The following NRG3 variants were observed in gnomAD, a reference collection of about 807,000 sequenced individuals.
NRG3 encodes the protein pro-neuregulin-3, membrane-bound isoform.
In NRG3, 31 loss-of-function variants were observed where a neutral mutation model predicts 66.9. The observed-to-expected ratio is 0.46, with a 90% confidence interval of 0.35 to 0.63. The LOEUF (loss-of-function observed/expected upper bound fraction) is 0.63, where lower values mean the gene tolerates loss of function less well. Ranked by LOEUF, NRG3 falls within the 20% of genes least tolerant of loss-of-function variation. The probability of loss-of-function intolerance (pLI) is 0.00; values close to 1 mark genes in which losing one functional copy is unlikely to be tolerated. For synonymous variants in NRG3, 393 were observed against 359.4 expected (o/e 1.09, Z -1.06); for missense variants, 910 against 878.9 (o/e 1.04, Z -0.45).
At chr10:82,666,959 T>C (rs1231644916) in intron 2 of NRG3, among the ~76,000 whole-genome samples, 1 of 152,216 alleles carries the variant, frequency 6.6e-6, no homozygotes, top group East Asian at 1.9e-4. Flanking sequence ...CTAGAAACTT[T>C]AATGCAACAG....
intron 1 of NRG3, among the ~76,000 whole-genome samples, chr10:82,193,602 A>G (rs1451349277): frequency 6.6e-6 from 1 of 152,204 alleles, no homozygotes; most frequent in Admixed American, 6.5e-5. Flanking sequence ...GATGAAAAGA[A>G]GTGGAGTGAT....
At chr10:82,240,776 C>A (rs1417434130) in intron 1 of NRG3, among the ~76,000 whole-genome samples, 1 of 152,138 alleles carries the variant, frequency 6.6e-6, no homozygotes, top group Non-Finnish European at 1.5e-5. Context: ...TTAGAGAGGA[C>A]TTCTGTCAGT....
chr10:81,961,369 T>C (rs894562618), intron 1 of NRG3, among the ~76,000 whole-genome samples: 1 of 152,214 alleles, frequency 6.6e-6, no homozygotes, highest in Non-Finnish European at 1.5e-5. Context: ...CAGTATCACA[T>C]TGTAGACACC....
At chr10:82,701,076 AT>A in intron 2 of NRG3, among the ~76,000 whole-genome samples, 1 of 152,084 alleles carries the variant, frequency 6.6e-6, no homozygotes, top group East Asian at 1.9e-4. Context: ...AGATGAAGAT[AT>A]TTTATAAAGT....
intron 2 of NRG3, among the ~76,000 whole-genome samples, chr10:82,655,546 C>T (rs1420556161): frequency 1.3e-5 from 2 of 152,110 alleles, no homozygotes; most frequent in Non-Finnish European, 2.9e-5. Context: ...TACAGATACC[C>T]TCCTCTACTC....
intron 1 of NRG3, among the ~76,000 whole-genome samples, chr10:82,272,885 G>A (rs1329225566): frequency 2.6e-5 from 4 of 151,942 alleles, no homozygotes; most frequent in South Asian, 2.1e-4. Flanking sequence ...TAGAAGGCTC[G>A]CTATGGCCTT....
intron 1 of NRG3, among the ~76,000 whole-genome samples, chr10:82,219,271 A>G (rs549483493): frequency 6.8e-6 from 1 of 146,600 alleles, no homozygotes; most frequent in African/African-American, 2.6e-5. Flanking sequence ...GCCTCTACAT[A>G]CTAGATGCTG....
At chr10:82,805,207 T>A (rs76312059) in intron 3 of NRG3, among the ~76,000 whole-genome samples, 1 of 152,330 alleles carries the variant, frequency 6.6e-6, no homozygotes, top group East Asian at 1.9e-4. Context: ...GGTTAGAGTC[T>A]TGGGTCCTTG....
chr10:82,344,379 C>A (rs1207258426), intron 1 of NRG3, among the ~76,000 whole-genome samples: 1 of 151,146 alleles, frequency 6.6e-6, no homozygotes. Flanking sequence ...CATGTCCCTA[C>A]AAAGGACATG....
chr10:82,092,201 A>G (rs2066067557), intron 1 of NRG3, among the ~76,000 whole-genome samples: 1 of 152,134 alleles, frequency 6.6e-6, no homozygotes, highest in Non-Finnish European at 1.5e-5. Context: ...CTCAGGGTCA[A>G]CAAGTATCTT....
chr10:82,957,072 G>A (rs1850119870), intron 5 of NRG3, among the ~76,000 whole-genome samples: 1 of 151,992 alleles, frequency 6.6e-6, no homozygotes. Flanking sequence ...TGCAACTAGT[G>A]TAATCTTTTA....
intron 2 of NRG3, among the ~76,000 whole-genome samples, chr10:82,473,090 CAG>C (rs1841429035): frequency 6.6e-6 from 1 of 152,176 alleles, no homozygotes; most frequent in Admixed American, 6.5e-5. Flanking sequence ...TGAACACACC[CAG>C]TTGTTGACAC....
intron 4 of NRG3, among the ~76,000 whole-genome samples, chr10:82,888,699 T>TA (rs1842914368): frequency 6.6e-6 from 1 of 152,016 alleles, no homozygotes; most frequent in African/African-American, 2.4e-5. Context: ...AGACTAAATA[T>TA]AAACAAGACA....
At chr10:81,951,623 A>G (rs1293260655) in intron 1 of NRG3, among the ~76,000 whole-genome samples, 1 of 152,180 alleles carries the variant, frequency 6.6e-6, no homozygotes, top group Admixed American at 6.5e-5. Context: ...GGGTCCAAGC[A>G]TGAAATGGCT....
chr10:82,089,723 A>G (rs1268224505), intron 1 of NRG3, among the ~76,000 whole-genome samples: 2 of 152,172 alleles, frequency 1.3e-5, no homozygotes, highest in African/African-American at 4.8e-5. Context: ...CTGATTCCAT[A>G]CCTTATTGAT....
At chr10:82,416,184 C>A (rs968499265) in intron 2 of NRG3, among the ~76,000 whole-genome samples, 1 of 152,172 alleles carries the variant, frequency 6.6e-6, no homozygotes, top group Non-Finnish European at 1.5e-5. Flanking sequence ...ACATACCTTT[C>A]AAGACAAAGT....
chr10:82,169,341 T>C (rs577506964), intron 1 of NRG3, among the ~76,000 whole-genome samples: 5 of 152,092 alleles, frequency 3.3e-5, no homozygotes, highest in East Asian at 1.9e-4. Flanking sequence ...TCATTTTTTT[T>C]CCCACTTTTT....
chr10:81,895,511 C>G (rs1843434895), intron 1 of NRG3, among the ~76,000 whole-genome samples: 1 of 152,156 alleles, frequency 6.6e-6, no homozygotes, highest in African/African-American at 2.4e-5. Context: ...TTGTTTCTCA[C>G]TATCTGATGC....
At chr10:81,952,364 T>C (rs1402370575) in intron 1 of NRG3, among the ~76,000 whole-genome samples, 1 of 151,986 alleles carries the variant, frequency 6.6e-6, no homozygotes, top group Non-Finnish European at 1.5e-5. Context: ...ACTTATACTA[T>C]TGAAGTGTGC....
Sources: allele counts gnomAD v4.1 joint callset (sites outside exome capture counted in the v4.1 genomes callset), GRCh38; gene constraint gnomAD v4.1.1; transcripts MANE v1.5; gene names NCBI Gene and HGNC (gene_info 2026-07-23, HGNC 2026-07-21).